The following HMCN1 variants were observed in gnomAD, a reference collection of about 807,000 sequenced individuals.
HMCN1 encodes the protein hemicentin 1.
A neutral mutation model predicts 625.9 loss-of-function variants in HMCN1; 321 were observed. That is an observed-to-expected ratio of 0.51 (90% CI 0.47 to 0.56). The LOEUF (loss-of-function observed/expected upper bound fraction) is 0.56, where lower values mean the gene tolerates loss of function less well. Ranked by LOEUF, HMCN1 falls within the 20% of genes least tolerant of loss-of-function variation. The pLI, the probability that HMCN1 is intolerant of heterozygous loss-of-function variation, is 0.00. For synonymous variants in HMCN1, 2,425 were observed against 2,417.6 expected (o/e 1.00, Z -0.09); for missense variants, 6,588 against 6,887.3 (o/e 0.96, Z 1.54).
intron 97 of HMCN1, 50 bp from the exon 98 acceptor site, chr1:186,165,061 G>A (rs1277515300): frequency 6.6e-7 from 1 of 1,505,696 alleles, no homozygotes; most frequent in South Asian, 1.1e-5. Context: ...AAGAAGCCAG[G>A]GGCAACTATT....
chr1:186,145,597 T>C (rs376070829), intron 92 of HMCN1, 24 bp downstream of exon 92: 16 of 1,612,936 alleles, frequency 9.9e-6, no homozygotes, highest in Non-Finnish European at 1.4e-5. Context: ...TTTCTGGCAG[T>C]TGAATAAGTA....
rs1661310682 is a variant in HMCN1, at chr1:186,119,780, C to T, written c.11992C>T (p.His3998Tyr). The T allele has an allele frequency of 6.2e-7, 1 of 1,613,906 alleles. No individual in the cohort carries two copies. Among genetic ancestry groups the T allele is most frequent in the Admixed American group, 1.7e-5 (1 of 59,992 alleles). Residue 3998 changes from histidine to tyrosine, a missense_variant, in exon 79 of 107, where the codon CAC becomes TAC. His to Tyr is a moderately conservative substitution (Grantham distance 83). Around this residue, in one of 3 missense-constraint regions of HMCN1, gnomAD observed 4,628 missense variants for 4,853.1 expected, o/e 0.95. Transcript: ENST00000271588. Reference sequence around the variant, plus strand: ...CATTCAGCCCCAACCAAGTGAACTACACGTCATTCTGAACAATCCTATTTT... The same window carrying T: ...CATTCAGCCCCAACCAAGTGAACTATACGTCATTCTGAACAATCCTATTTT... ...PVIQPQPSEL[H>Y]VILNNPILLP... is the part of the protein sequence containing the mutation.
chr1:185,892,912 C>T (rs961820262), intron 4 of HMCN1, among the ~76,000 whole-genome samples: 4 of 152,150 alleles, frequency 2.6e-5, no homozygotes, highest in Non-Finnish European at 4.4e-5. Flanking sequence ...CCCCCAGCCT[C>T]GCTGCCGCCT....
At chr1:185,951,878 T>G (rs1212779763) in intron 11 of HMCN1, among the ~76,000 whole-genome samples, 1 of 151,418 alleles carries the variant, frequency 6.6e-6, no homozygotes, top group Non-Finnish European at 1.5e-5. Context: ...AGGCAAGGAA[T>G]TGCAACTTTT....
chr1:186,041,237 A>G (rs1220289007), intron 40 of HMCN1, 101 bp downstream of exon 40: 4 of 1,007,426 alleles, frequency 4.0e-6, no homozygotes, highest in Non-Finnish European at 6.3e-6. Flanking sequence ...AAGAACAATG[A>G]ACCTTAGAAA....
At chr1:185,916,066 A>ATG (rs1553257965) in intron 6 of HMCN1, among the ~76,000 whole-genome samples, 3 of 140,598 alleles carry the variant, frequency 2.1e-5, no homozygotes, top group African/African-American at 9.7e-5. Flanking sequence ...GCGTGTGTGC[A>ATG]TATGTGTGTG....
intron 69 of HMCN1, among the ~76,000 whole-genome samples, chr1:186,106,141 A>T (rs1211389909): frequency 1.3e-5 from 2 of 152,204 alleles, no homozygotes; most frequent in Non-Finnish European, 2.9e-5. Context: ...AAGTAGTAAA[A>T]TAAATGAGAA....
At chr1:185,834,438 A>G (rs974397652) in intron 1 of HMCN1, among the ~76,000 whole-genome samples, 3 of 152,182 alleles carry the variant, frequency 2.0e-5, no homozygotes, top group South Asian at 2.1e-4. Flanking sequence ...CTCTTGAGCT[A>G]TTGGACTGAG....
At chr1:185,807,402 T>C (rs757963286) in intron 1 of HMCN1, among the ~76,000 whole-genome samples, 4 of 152,180 alleles carry the variant, frequency 2.6e-5, no homozygotes, top group Non-Finnish European at 5.9e-5. Flanking sequence ...ATAAATCTGA[T>C]TGAGGAAAGC....
chr1:186,034,016 A>G (rs1006516032), intron 36 of HMCN1, among the ~76,000 whole-genome samples: 5 of 152,228 alleles, frequency 3.3e-5, no homozygotes, highest in African/African-American at 9.6e-5. Flanking sequence ...CATAAAGGGG[A>G]ATTAAGGTTG....
intron 4 of HMCN1, among the ~76,000 whole-genome samples, chr1:185,885,257 A>G (rs954103745): frequency 1.4e-4 from 21 of 151,954 alleles, no homozygotes; most frequent in African/African-American, 5.1e-4. Flanking sequence ...GATACTGTAC[A>G]GGAAAAATAT....
chr1:185,850,921 G>T (rs1368436599), intron 2 of HMCN1, among the ~76,000 whole-genome samples: 1 of 152,076 alleles, frequency 6.6e-6, no homozygotes, highest in African/African-American at 2.4e-5. Flanking sequence ...TACCACAGAA[G>T]TGTTTTTACT....
intron 97 of HMCN1, among the ~76,000 whole-genome samples, chr1:186,157,284 AT>A (rs1558266689): frequency 2.6e-5 from 4 of 152,192 alleles, no homozygotes; most frequent in Admixed American, 2.6e-4. Flanking sequence ...ATAAGCAAAT[AT>A]TTTTTATTGC....
intron 4 of HMCN1, among the ~76,000 whole-genome samples, chr1:185,904,793 T>C (rs1666005046): frequency 2.0e-5 from 3 of 151,954 alleles, no homozygotes; most frequent in African/African-American, 7.2e-5. Context: ...GTATCCATCA[T>C]CTAATAAGCA....
chr1:185,954,539 T>A lies in HMCN1; in HGVS notation c.1829-7979T>A, dbSNP rs74134223. Reference sequence around the variant, plus strand: ...TTTTTTCCAAAAGGTAAGGCCTTTTTAAACAACAATCAACAATTGTTGATC... The same window carrying A: ...TTTTTTCCAAAAGGTAAGGCCTTTTAAAACAACAATCAACAATTGTTGATC... On this transcript the variant is annotated intron_variant, in intron 11 of 106. Coordinates refer to ENST00000271588, the MANE Select transcript of HMCN1 (RefSeq NM_031935.3). 9.5e-3 allele frequency among the ~76,000 whole-genome samples: 1,443 copies of A among 152,196 alleles called. 19 individuals carry two copies. Among genetic ancestry groups the A allele is most frequent in the African/African-American group, 0.032 (1,324 of 41,530 alleles).
At chr1:185,973,484 G>A (rs937000520) in intron 15 of HMCN1, among the ~76,000 whole-genome samples, 1 of 151,954 alleles carries the variant, frequency 6.6e-6, no homozygotes, top group Non-Finnish European at 1.5e-5. Context: ...ATAAATTTAA[G>A]TAGCTTATGA....
At chr1:186,048,631 ATATG>A in intron 41 of HMCN1, 108 bp from the exon 42 acceptor site, 2 of 718,632 alleles carry the variant, frequency 2.8e-6, no homozygotes, top group South Asian at 3.1e-5. Context: ...TCTATTTTTT[ATATG>A]TATGTGAATC....
chr1:186,178,298 G>A (rs1558284845), intron 103 of HMCN1, 118 bp from the exon 104 acceptor site: 16 of 754,402 alleles, frequency 2.1e-5, no homozygotes, highest in Admixed American at 1.7e-4. Context: ...CTGTATGCCT[G>A]GCTTTGGAGG....
intron 7 of HMCN1, 110 bp downstream of exon 7, chr1:185,922,609 C>T (rs917441441): frequency 9.7e-7 from 1 of 1,036,104 alleles, no homozygotes; most frequent in African/African-American, 1.6e-5. Flanking sequence ...AATTGAGAAG[C>T]ATAGCTTTAA....
Sources: allele counts gnomAD v4.1 joint callset (sites outside exome capture counted in the v4.1 genomes callset), GRCh38; gene constraint gnomAD v4.1.1; regional missense constraint gnomAD v4.1.1; transcripts MANE v1.5; gene names NCBI Gene and HGNC (gene_info 2026-07-23, HGNC 2026-07-21).